Variants in KCNQ5 observed in about 807,000 individuals in gnomAD.
KCNQ5 encodes potassium voltage-gated channel subfamily KQT member 5.
KCNQ5 carries 30 observed loss-of-function variants against 98.2 expected under a neutral mutation model. The ratio of observed to expected loss-of-function variants is 0.31; its 90% confidence interval spans 0.23 to 0.41. The LOEUF is 0.41. Ranked by LOEUF, KCNQ5 falls within the 10% of genes least tolerant of loss-of-function variation. The pLI is 1.00. For synonymous variants in KCNQ5, 458 were observed against 449.4 expected, an observed-to-expected ratio of 1.02 and a Z score of -0.24; for missense variants, 835 against 1,182.5, an observed-to-expected ratio of 0.71 and a Z score of 4.31.
intron 10 of KCNQ5, among the ~76,000 whole-genome samples, chr6:73,139,213 A>G (rs911940322): frequency 5.3e-5 from 8 of 152,194 alleles, no homozygotes; most frequent in African/African-American, 1.7e-4. Flanking sequence ...AGTGAGGAGA[A>G]CTGTCCATTC....
chr6:72,679,508 G>C (rs1037088149), intron 1 of KCNQ5, among the ~76,000 whole-genome samples: 3 of 147,680 alleles, frequency 2.0e-5, no homozygotes, highest in Non-Finnish European at 4.5e-5. Context: ...TCACTCATAG[G>C]TGGGAATTGA....
chr6:73,094,145 A>T (rs886653016), intron 5 of KCNQ5, among the ~76,000 whole-genome samples: 6 of 152,170 alleles, frequency 3.9e-5, no homozygotes, highest in African/African-American at 1.4e-4. Flanking sequence ...TAGGCCTTTT[A>T]TCATTATATA....
chr6:72,946,176 T>A (rs561913636), intron 1 of KCNQ5, among the ~76,000 whole-genome samples: 10 of 152,250 alleles, frequency 6.6e-5, no homozygotes, highest in Admixed American at 3.9e-4. Context: ...GCTACATACA[T>A]CACATTCATA....
chr6:72,703,495 A>G (rs995125740), intron 1 of KCNQ5, among the ~76,000 whole-genome samples: 2 of 152,210 alleles, frequency 1.3e-5, no homozygotes, highest in Admixed American at 6.5e-5. Flanking sequence ...GATTGGAACA[A>G]TGTCATAGTA....
At chr6:72,821,516 T>C (rs993708131) in intron 1 of KCNQ5, among the ~76,000 whole-genome samples, 2 of 152,170 alleles carry the variant, frequency 1.3e-5, no homozygotes, top group Non-Finnish European at 2.9e-5. Context: ...TGGGGCTAAA[T>C]ATTCCATCAC....
chr6:73,083,319 G>A (rs1416479699), intron 5 of KCNQ5, among the ~76,000 whole-genome samples: 4 of 152,166 alleles, frequency 2.6e-5, no homozygotes, highest in African/African-American at 4.8e-5. Context: ...AAAATAGAAT[G>A]CTTTAGAAAA....
At chr6:73,141,129 A>G (rs2796043) in intron 10 of KCNQ5, among the ~76,000 whole-genome samples, 10,515 of 152,274 alleles carry the variant, frequency 0.069, 540 homozygotes, top group African/African-American at 0.14. Flanking sequence ...CAGTTCTGGA[A>G]GCTGGAAGTC....
chr6:72,848,637 A>G (rs757203236), intron 1 of KCNQ5, among the ~76,000 whole-genome samples: 1 of 152,108 alleles, frequency 6.6e-6, no homozygotes, highest in Non-Finnish European at 1.5e-5. Flanking sequence ...TAAAAACATC[A>G]CTTCAGCCTT....
chr6:72,806,454 A>G (rs1274241686), intron 1 of KCNQ5, among the ~76,000 whole-genome samples: 1 of 152,148 alleles, frequency 6.6e-6, no homozygotes, highest in Admixed American at 6.6e-5. Flanking sequence ...GGAAATCTAG[A>G]AGACATATTT....
chr6:72,818,192 TA>T (rs1485173104), intron 1 of KCNQ5, among the ~76,000 whole-genome samples: 1 of 152,186 alleles, frequency 6.6e-6, no homozygotes, highest in Admixed American at 6.5e-5. Context: ...TTTAAACTTG[TA>T]TTAAATGTGA....
intron 7 of KCNQ5, among the ~76,000 whole-genome samples, chr6:73,119,234 T>G (rs1775644924): frequency 6.6e-6 from 1 of 152,166 alleles, no homozygotes; most frequent in East Asian, 1.9e-4. Context: ...GATGGAAGCT[T>G]TTCCAATAAC....
At chr6:73,169,653 T>C (rs1192284713) in intron 10 of KCNQ5, 93 bp from the exon 11 acceptor site, 2 of 859,962 alleles carry the variant, frequency 2.3e-6, no homozygotes, top group Non-Finnish European at 4.0e-6. Flanking sequence ...GCTTACTCTG[T>C]GAGTATCCCG....
intron 7 of KCNQ5, among the ~76,000 whole-genome samples, chr6:73,118,103 G>A (rs551682047): frequency 6.6e-6 from 1 of 152,236 alleles, no homozygotes; most frequent in African/African-American, 2.4e-5. Context: ...GCAGAAAAGA[G>A]CACATATCTT....
At chr6:72,725,446 T>C (rs1770215603) in intron 1 of KCNQ5, among the ~76,000 whole-genome samples, 1 of 152,136 alleles carries the variant, frequency 6.6e-6, no homozygotes, top group Non-Finnish European at 1.5e-5. Flanking sequence ...AAAGAGAATT[T>C]CTATAAGAAT....
chr6:73,120,391 C>T, intron 7 of KCNQ5, 92 bp from the exon 8 acceptor site: 7 of 855,160 alleles, frequency 8.2e-6, no homozygotes, highest in Non-Finnish European at 1.2e-5. Context: ...AAAGATTCTT[C>T]ATGTGTAGTA....
chr6:72,644,411 T>G (rs553623681), intron 1 of KCNQ5, among the ~76,000 whole-genome samples: 2 of 152,182 alleles, frequency 1.3e-5, no homozygotes. Context: ...TAGATCACCC[T>G]TCAGTCTGGT....
chr6:72,808,100 C>A (rs1775043018), intron 1 of KCNQ5, among the ~76,000 whole-genome samples: 1 of 152,064 alleles, frequency 6.6e-6, no homozygotes. Flanking sequence ...TCACTAGGGG[C>A]AGGATGGGGA....
intron 1 of KCNQ5, among the ~76,000 whole-genome samples, chr6:72,808,705 G>A (rs1775075382): frequency 6.6e-6 from 1 of 152,058 alleles, no homozygotes; most frequent in Admixed American, 6.6e-5. Context: ...CCTAGCACTT[G>A]GGAGGCCAAG....
chr6:73,168,701 G>A (rs1467644330), intron 10 of KCNQ5, among the ~76,000 whole-genome samples: 1 of 150,554 alleles, frequency 6.6e-6, no homozygotes, highest in Non-Finnish European at 1.5e-5. Flanking sequence ...GACAAAACAA[G>A]ACTTTTTCTC....
Sources: gnomAD v4.1 joint callset for allele counts (sites outside exome capture counted in the v4.1 genomes callset) on GRCh38, gnomAD v4.1.1 for gene constraint, MANE v1.5 for transcripts, NCBI Gene and HGNC (gene_info 2026-07-23, HGNC 2026-07-21) for gene names.